LINGO2: variants seen among roughly 807,000 people sequenced by gnomAD.
The protein encoded by LINGO2 is leucine rich repeat and Ig domain containing 2, also known as leucine-rich repeat and immunoglobulin-like domain-containing nogo receptor-interacting protein 2.
Under a neutral mutation model 30.6 loss-of-function variants are expected in LINGO2, and 14 were observed. That is an observed-to-expected ratio of 0.46 (90% CI 0.30 to 0.72). The LOEUF is 0.72. LINGO2 is among the 30% of genes least tolerant of loss of function. The pLI, the probability that LINGO2 is intolerant of heterozygous loss-of-function variation, is 0.07. For synonymous variants in LINGO2, 317 were observed against 288.5 expected (o/e 1.10, Z -1.00); for missense variants, 729 against 751.7 (o/e 0.97, Z 0.35).
chr9:28,662,754 C>A (rs899642363), intron 1 of LINGO2, among the ~76,000 whole-genome samples: 1 of 151,902 alleles, frequency 6.6e-6, no homozygotes, highest in African/African-American at 2.4e-5. Context: ...AAATAGTGCC[C>A]GGCACATGGC....
At chr9:28,460,818 T>A (rs2135119228) in intron 2 of LINGO2, among the ~76,000 whole-genome samples, 1 of 152,060 alleles carries the variant, frequency 6.6e-6, no homozygotes, top group Middle Eastern at 3.4e-3. Context: ...GTGGTTTGTG[T>A]GTGGGGGGAG....
At chr9:28,189,353 AAGGG>A (rs1819683009) in intron 4 of LINGO2, among the ~76,000 whole-genome samples, 2 of 7,980 alleles carry the variant, frequency 2.5e-4, no homozygotes, top group Admixed American at 1.6e-3. Context: ...GGGAGGAAGG[AAGGG>A]AGGGAGGGAG....
chr9:28,990,503 T>C, the LINGO2 span, among the ~76,000 whole-genome samples: 7 of 152,304 alleles, frequency 4.6e-5, no homozygotes, highest in South Asian at 1.0e-3. Flanking sequence ...AAGAGAGCAG[T>C]GGTTCTCCCA....
At chr9:29,205,751 C>T in the LINGO2 span, among the ~76,000 whole-genome samples, 6 of 152,258 alleles carry the variant, frequency 3.9e-5, no homozygotes, top group Admixed American at 2.6e-4. Flanking sequence ...AATTCAAACA[C>T]CATGAAATTT....
intron 5 of LINGO2, among the ~76,000 whole-genome samples, chr9:28,008,655 A>G (rs1266491366): frequency 6.6e-6 from 1 of 152,192 alleles, no homozygotes; most frequent in East Asian, 1.9e-4. Flanking sequence ...ACAATCTGAA[A>G]ATGAAATTTA....
At chr9:28,966,790 A>G in the LINGO2 span, among the ~76,000 whole-genome samples, 4 of 152,118 alleles carry the variant, frequency 2.6e-5, no homozygotes, top group African/African-American at 9.7e-5. Flanking sequence ...AATGTCAGGA[A>G]GAGTTCTTTA....
At chr9:28,709,873 A>G in the LINGO2 span, among the ~76,000 whole-genome samples, 9 of 152,114 alleles carry the variant, frequency 5.9e-5, no homozygotes, top group African/African-American at 2.2e-4. Flanking sequence ...TAATATGCCA[A>G]TGTCTCTTGA....
chr9:28,055,599 T>C (rs1824893506), intron 4 of LINGO2, among the ~76,000 whole-genome samples: 1 of 152,174 alleles, frequency 6.6e-6, no homozygotes, highest in Admixed American at 6.6e-5. Flanking sequence ...TTTCTCAAAA[T>C]GTTTTCTCTC....
the LINGO2 span, among the ~76,000 whole-genome samples, chr9:29,178,186 G>A: frequency 3.8e-3 from 574 of 152,068 alleles, 3 homozygotes; most frequent in African/African-American, 0.013. Flanking sequence ...CTCCCAAATA[G>A]CTGGGATTAC....
At chr9:28,525,372 A>G (rs575840859) in intron 1 of LINGO2, among the ~76,000 whole-genome samples, 15 of 152,326 alleles carry the variant, frequency 9.8e-5, no homozygotes, top group Non-Finnish European at 1.5e-4. Context: ...AAACTTGTAC[A>G]TGAATGTTCA....
chr9:28,126,085 G>A (rs903548309), intron 4 of LINGO2, among the ~76,000 whole-genome samples: 1 of 152,020 alleles, frequency 6.6e-6, no homozygotes, highest in Non-Finnish European at 1.5e-5. Flanking sequence ...TTGATAAAAG[G>A]CCATAGAATT....
At chr9:29,136,958 G>A in the LINGO2 span, among the ~76,000 whole-genome samples, 1 of 152,108 alleles carries the variant, frequency 6.6e-6, no homozygotes, top group African/African-American at 2.4e-5. Flanking sequence ...TACAGAGAGA[G>A]GTATCTATCC....
chr9:28,984,960 A>G, the LINGO2 span, among the ~76,000 whole-genome samples: 1 of 152,106 alleles, frequency 6.6e-6, no homozygotes, highest in South Asian at 2.1e-4. Context: ...TACCTCAAAA[A>G]GAAACCCACC....
the LINGO2 span, among the ~76,000 whole-genome samples, chr9:28,791,417 A>C: frequency 1.4e-4 from 22 of 152,226 alleles, no homozygotes; most frequent in African/African-American, 4.8e-4. Context: ...ACTGTGATTT[A>C]GACTATGTAA....
intron 4 of LINGO2, among the ~76,000 whole-genome samples, chr9:28,289,456 G>T (rs932793628): frequency 6.6e-6 from 1 of 152,180 alleles, no homozygotes; most frequent in Non-Finnish European, 1.5e-5. Flanking sequence ...ATAATACTTG[G>T]ATCAAAATTA....
chr9:28,262,209 G>A (rs1348130635), intron 4 of LINGO2, among the ~76,000 whole-genome samples: 1 of 151,786 alleles, frequency 6.6e-6, no homozygotes, highest in Admixed American at 6.6e-5. Flanking sequence ...AAATAATTAA[G>A]ACGATGCTTA....
At chr9:28,055,816 C>T (rs893156980) in intron 4 of LINGO2, among the ~76,000 whole-genome samples, 1 of 152,080 alleles carries the variant, frequency 6.6e-6, no homozygotes, top group Non-Finnish European at 1.5e-5. Flanking sequence ...ATAGTTTTAT[C>T]TAAAAAAGTC....
chr9:28,378,396 G>A (rs1214804997), intron 2 of LINGO2, among the ~76,000 whole-genome samples: 6 of 152,118 alleles, frequency 3.9e-5, no homozygotes, highest in Admixed American at 6.6e-5. Context: ...GTGGTAACTG[G>A]GATAGGAAAC....
upstream of LINGO2, among the ~76,000 whole-genome samples, chr9:28,672,888 AT>A (rs1033021869): frequency 2.6e-5 from 4 of 152,128 alleles, no homozygotes; most frequent in Non-Finnish European, 5.9e-5. Context: ...GAAGAAAACA[AT>A]TTTAACTAAG....
Sources: gnomAD v4.1 joint callset for allele counts (sites outside exome capture counted in the v4.1 genomes callset) on GRCh38, gnomAD v4.1.1 for gene constraint, MANE v1.5 for transcripts, NCBI Gene and HGNC (gene_info 2026-07-23, HGNC 2026-07-21) for gene names.